RAB3C: variants seen among roughly 807,000 people sequenced by gnomAD.
RAB3C encodes the protein RAB3C, member RAS oncogene family.
A neutral mutation model predicts 26.4 loss-of-function variants in RAB3C; 17 were observed. The observed-to-expected ratio is 0.64, with a 90% CI of 0.44 to 0.97. The LOEUF (loss-of-function observed/expected upper bound fraction) is 0.97, where lower values mean the gene tolerates loss of function less well. RAB3C is among the 50% of genes least tolerant of loss of function. The pLI is 0.00. For synonymous variants in RAB3C, 91 were observed against 95.9 expected (o/e 0.95, Z 0.30); for missense variants, 242 against 281.9 (o/e 0.86, Z 1.01).
intron 2 of RAB3C, among the ~76,000 whole-genome samples, chr5:58,688,996 G>A (rs532462263): frequency 3.3e-5 from 5 of 152,166 alleles, no homozygotes; most frequent in Admixed American, 2.6e-4. Flanking sequence ...CTTTTACTCT[G>A]TGCCAGGTAT....
chr5:58,700,548 A>G (rs1321098352), intron 2 of RAB3C, among the ~76,000 whole-genome samples: 1 of 152,208 alleles, frequency 6.6e-6, no homozygotes, highest in Non-Finnish European at 1.5e-5. Context: ...CCCAACTCAG[A>G]GCCCTAAGGT....
intron 2 of RAB3C, among the ~76,000 whole-genome samples, chr5:58,696,855 A>G (rs1380255963): frequency 6.6e-6 from 1 of 151,974 alleles, no homozygotes; most frequent in African/African-American, 2.4e-5. Context: ...AATTTTGTTG[A>G]TCTTTTCAAA....
intron 2 of RAB3C, among the ~76,000 whole-genome samples, chr5:58,643,223 A>G (rs1267385573): frequency 6.6e-6 from 1 of 152,254 alleles, no homozygotes; most frequent in East Asian, 1.9e-4. Flanking sequence ...AATTAGAGTC[A>G]TAACAGCTAA....
chr5:58,608,136 G>T (rs1168649283), intron 1 of RAB3C, among the ~76,000 whole-genome samples: 1 of 152,104 alleles, frequency 6.6e-6, no homozygotes, highest in East Asian at 1.9e-4. Context: ...ACACAGACTG[G>T]CAAATTGGAT....
chr5:58,678,946 T>C (rs534277707), intron 2 of RAB3C, among the ~76,000 whole-genome samples: 23 of 152,300 alleles, frequency 1.5e-4, no homozygotes, highest in Admixed American at 1.2e-3. Context: ...TTTTTGTTTT[T>C]CCAGCTTAGG....
At chr5:58,772,227 A>G (rs1182725134) in intron 3 of RAB3C, among the ~76,000 whole-genome samples, 1 of 152,164 alleles carries the variant, frequency 6.6e-6, no homozygotes, top group African/African-American at 2.4e-5. Flanking sequence ...CTTGGTTAAC[A>G]ATAGGGAACT....
chr5:58,634,027 G>A (rs1416719155), intron 2 of RAB3C, among the ~76,000 whole-genome samples: 1 of 151,394 alleles, frequency 6.6e-6, no homozygotes, highest in Non-Finnish European at 1.5e-5. Flanking sequence ...TGTAGTCCCA[G>A]CTACTCAGGA....
chr5:58,709,025 T>G (rs900849130), intron 2 of RAB3C, among the ~76,000 whole-genome samples: 1 of 152,206 alleles, frequency 6.6e-6, no homozygotes, highest in Non-Finnish European at 1.5e-5. Context: ...TAAATCAATA[T>G]AGGTCCTTTC....
At chr5:58,784,507 A>G (rs183217071) in intron 3 of RAB3C, among the ~76,000 whole-genome samples, 134 of 152,254 alleles carry the variant, frequency 8.8e-4, no homozygotes, top group African/African-American at 3.0e-3. Context: ...GAAGCTACAA[A>G]TCAAGATGAG....
At chr5:58,597,067 A>G (rs1228675035) in intron 1 of RAB3C, among the ~76,000 whole-genome samples, 18 of 94,182 alleles carry the variant, frequency 1.9e-4, no homozygotes, top group South Asian at 3.3e-4. Flanking sequence ...TACATAATAT[A>G]TATTATATAA....
chr5:58,671,791 C>A (rs1380947597), intron 2 of RAB3C, among the ~76,000 whole-genome samples: 1 of 152,074 alleles, frequency 6.6e-6, no homozygotes, highest in African/African-American at 2.4e-5. Flanking sequence ...AAGATCTTTG[C>A]AAGTTCATTT....
At chr5:58,683,966 G>A (rs568109918) in intron 2 of RAB3C, among the ~76,000 whole-genome samples, 7 of 151,894 alleles carry the variant, frequency 4.6e-5, no homozygotes, top group East Asian at 1.9e-4. Flanking sequence ...CTCTTACTAC[G>A]CTCAACTTAT....
At chr5:58,750,769 T>C (rs191260770) in intron 3 of RAB3C, among the ~76,000 whole-genome samples, 1 of 152,324 alleles carries the variant, frequency 6.6e-6, no homozygotes, top group African/African-American at 2.4e-5. Context: ...TTCTTCATTT[T>C]AAAAGAAGGA....
intron 3 of RAB3C, among the ~76,000 whole-genome samples, chr5:58,745,392 CAAAAAAAA>C (rs1173604247): frequency 5.4e-4 from 18 of 33,108 alleles, no homozygotes; most frequent in South Asian, 2.4e-3. Flanking sequence ...GACTCTGCTT[CAAAAAAAA>C]AAAAAAAAAA....
chr5:58,683,021 G>A (rs978340758), intron 2 of RAB3C, among the ~76,000 whole-genome samples: 1 of 152,064 alleles, frequency 6.6e-6, no homozygotes, highest in African/African-American at 2.4e-5. Flanking sequence ...TTTTCTCTTT[G>A]CTTTTACTGA....
intron 4 of RAB3C, among the ~76,000 whole-genome samples, chr5:58,834,413 T>C (rs1442679548): frequency 6.6e-6 from 1 of 152,230 alleles, no homozygotes; most frequent in African/African-American, 2.4e-5. Context: ...AAAACAATTA[T>C]GTAATAAAGC....
chr5:58,613,585 T>A (rs867828886), intron 1 of RAB3C, among the ~76,000 whole-genome samples: 17 of 152,124 alleles, frequency 1.1e-4, no homozygotes, highest in Middle Eastern at 3.4e-3. Context: ...GACACTTTCA[T>A]AAAAAAATAA....
chr5:58,735,242 C>T (rs899585785), intron 3 of RAB3C, among the ~76,000 whole-genome samples: 41 of 152,260 alleles, frequency 2.7e-4, no homozygotes, highest in African/African-American at 9.1e-4. Context: ...CACTTGTTTA[C>T]AGTGTGAGCA....
At position 58,605,792 on chromosome 5, in the gene RAB3C, C is replaced by T. The variant is rs118130865; in HGVS notation, c.25-11851C>T. 6.8e-4 allele frequency among the ~76,000 whole-genome samples: 104 copies of T among 152,242 alleles called. No homozygotes were observed. The East Asian group carries it at 0.019, about 28-fold the overall frequency. On this transcript the variant is annotated intron_variant, in intron 1 of 4. Transcript: ENST00000282878. ...GGGCACCAAGCGCTTGTAATCCCTG[C>T]TACTTGGGAGGCTGAGACAGGAGTC... is the stretch of plus-strand genomic sequence containing the variant.
Sources: gnomAD v4.1 joint callset for allele counts (sites outside exome capture counted in the v4.1 genomes callset) on GRCh38, gnomAD v4.1.1 for gene constraint, MANE v1.5 for transcripts, NCBI Gene and HGNC (gene_info 2026-07-23, HGNC 2026-07-21) for gene names.